The following ATIC variants were observed in gnomAD, a reference collection of about 807,000 sequenced individuals.
The protein encoded by ATIC is bifunctional purine biosynthesis protein ATIC.
ATIC carries 64 observed loss-of-function variants against 72.5 expected under a neutral mutation model. The ratio of observed to expected loss-of-function variants is 0.88; its 90% CI spans 0.72 to 1.09. The LOEUF is 1.09. Among genes scored for constraint, ATIC ranks in the 50% least tolerant of loss-of-function variants. The pLI is 0.00. For synonymous variants in ATIC, 281 were observed against 267.1 expected (o/e 1.05, Z -0.51); for missense variants, 787 against 732.4 (o/e 1.07, Z -0.86).
rs536176249 is a variant in ATIC at position 215,348,157 on chromosome 2, T to C, written c.1504-937T>C. Among the ~76,000 whole-genome samples, 6 of 152,294 alleles carry C rather than the reference T, an allele frequency of 3.9e-5. No individual in the cohort carries two copies. The East Asian group carries it at 7.7e-4, about 20-fold the overall frequency. On this transcript the variant is annotated intron_variant, in intron 14 of 15. Transcript: ENST00000236959. Reference sequence around the variant, plus strand: ...CCTTATACTTCTTAATACTGTTGCATTGGGGATTAAGTTTCAACATGAATT... The same window carrying C: ...CCTTATACTTCTTAATACTGTTGCACTGGGGATTAAGTTTCAACATGAATT...
In ATIC at chr2:215,346,864, A is replaced by T; in HGVS notation, c.1426A>T (p.Met476Leu). The change falls in exon 14 of 16, where the codon ATG becomes TTG. Residue 476 changes from methionine to leucine, a missense_variant. Coordinates refer to ENST00000236959, the MANE Select transcript of ATIC (RefSeq NM_004044.7). ...TAGACACCATCCACAAGTGCTTTCG[A>T]TGAAGTTTAAAACAGGAGTGAAGAG... is the stretch of plus-strand genomic sequence containing the variant. ...WLRHHPQVLSMKFKTGVKRAE... is the reference protein window; with the variant it reads ...WLRHHPQVLSLKFKTGVKRAE... 6.2e-7 allele frequency: 1 copy of T among 1,614,230 alleles called. No homozygotes were observed. The highest frequency in any genetic ancestry group is 8.5e-7 in the Non-Finnish European group (1 of 1,180,042).
At chr2:215,345,902 G>A (rs1176889234) in intron 13 of ATIC, among the ~76,000 whole-genome samples, 2 of 152,170 alleles carry the variant, frequency 1.3e-5, no homozygotes, top group African/African-American at 4.8e-5. Flanking sequence ...CAGCTTAGGG[G>A]CTGTTCATTA....
chr2:215,312,307 A>AGCCTGC, intron 1 of ATIC, 146 bp downstream of exon 1: 3 of 1,449,984 alleles, frequency 2.1e-6, no homozygotes, highest in Non-Finnish European at 2.8e-6. Flanking sequence ...GCCGGGCCGC[A>AGCCTGC]GCCTGCGTGG....
the ATIC span, among the ~76,000 whole-genome samples, chr2:215,355,312 C>G: frequency 1.3e-5 from 2 of 152,158 alleles, no homozygotes; most frequent in African/African-American, 2.4e-5. Context: ...AGTGGAGTTT[C>G]ACTGGTGTTT....
intron 14 of ATIC, 138 bp from the exon 15 acceptor site, chr2:215,348,955 TA>T (rs376547846): frequency 0.093 from 49,347 of 531,008 alleles, 7 homozygotes; most frequent in Non-Finnish European, 0.1. Context: ...AAACTCCGTC[TA>T]AAAAAAAAAA....
At position 215,338,873 on chromosome 2, in the gene ATIC, C is replaced by A; in HGVS notation, c.1193C>A (p.Ser398Ter). ...AGAAATAATGGTGTCGTCGACAAGT[C>A]ATTATTTAGCAATGTTGTTACCAAA... The part of the protein sequence containing the change: ...QKRNNGVVDK[S>*]LFSNVVTKNK... Residue 398 changes from serine to a stop codon, truncating the protein, a stop_gained, in exon 12 of 16, where the codon TCA (serine) becomes TAA (stop). Transcript: ENST00000236959. LOFTEE classifies it high-confidence loss of function. 2 of 1,613,692 alleles carry A rather than the reference C, an allele frequency of 1.2e-6. No individual in the cohort carries two copies. Among genetic ancestry groups the A allele is most frequent in the South Asian group, 2.2e-5 (2 of 91,018 alleles).
At chr2:215,338,736 G>T (rs549709024) in intron 11 of ATIC, 43 bp from the exon 12 acceptor site, 1 of 1,597,570 alleles carries the variant, frequency 6.3e-7, no homozygotes, top group South Asian at 1.1e-5. Flanking sequence ...AAATTTGAGG[G>T]AAGTGGAGAG....
intron 12 of ATIC, 47 bp downstream of exon 12, chr2:215,338,954 C>A: frequency 1.2e-6 from 2 of 1,607,374 alleles, no homozygotes; most frequent in South Asian, 2.2e-5. Flanking sequence ...TTCCATTGGT[C>A]TGTTTTCAAT....
intron 11 of ATIC, 49 bp downstream of exon 11, chr2:215,336,173 T>C (rs572645577): frequency 7.2e-7 from 1 of 1,386,704 alleles, no homozygotes; most frequent in Non-Finnish European, 1.0e-6. Context: ...TTATTCTGTG[T>C]CTCTTTCTCC....
chr2:215,363,873 T>C, the ATIC span, among the ~76,000 whole-genome samples: 1 of 152,240 alleles, frequency 6.6e-6, no homozygotes, highest in South Asian at 2.1e-4. Context: ...CTGGCTTAAA[T>C]AATGGGTTGC....
rs570223851 is a variant in ATIC, at chr2:215,333,484, G to T, written c.922+27G>T. The stretch of plus-strand genomic sequence containing the variant: ...TCAGACTCATAGGGCTTTTTGATTT[G>T]GGGGAGAAAGAAAAAGCAATATTTT... On this transcript the variant is annotated intron_variant, in intron 9 of 15. Transcript: ENST00000236959. 7.4e-4 allele frequency: 1,180 copies of T among 1,584,182 alleles called. 3 individuals are homozygous for T. The highest frequency in any genetic ancestry group is 9.5e-4 in the Non-Finnish European group (1,100 of 1,154,800).
At chr2:215,361,217 C>T in the ATIC span, 3 of 286,092 alleles carry the variant, frequency 1.0e-5, no homozygotes, top group African/African-American at 6.5e-5. Context: ...AAATTTTGGT[C>T]ATATCATTTC....
chr2:215,338,736 G>A (rs549709024), intron 11 of ATIC, 43 bp from the exon 12 acceptor site: 2 of 1,597,568 alleles, frequency 1.3e-6, no homozygotes, highest in Admixed American at 1.7e-5. Context: ...AAATTTGAGG[G>A]AAGTGGAGAG....
intron 11 of ATIC, among the ~76,000 whole-genome samples, chr2:215,337,106 T>C (rs1429658814): frequency 6.6e-6 from 1 of 151,750 alleles, no homozygotes; most frequent in Non-Finnish European, 1.5e-5. Flanking sequence ...TTTTAACTGA[T>C]TTTTATGAGC....
At chr2:215,341,402 T>A (rs1369689544) in intron 12 of ATIC, among the ~76,000 whole-genome samples, 1 of 152,220 alleles carries the variant, frequency 6.6e-6, no homozygotes, top group Non-Finnish European at 1.5e-5. Context: ...TTAGTGATCT[T>A]GATAGGTTTT....
intron 13 of ATIC, among the ~76,000 whole-genome samples, chr2:215,346,047 G>A (rs893082363): frequency 1.3e-5 from 2 of 152,222 alleles, no homozygotes; most frequent in Non-Finnish European, 2.9e-5. Context: ...ACCCATGTCA[G>A]ATCCTTATCT....
intron 4 of ATIC, among the ~76,000 whole-genome samples, chr2:215,324,116 C>G (rs947973056): frequency 6.6e-6 from 1 of 151,940 alleles, no homozygotes; most frequent in Non-Finnish European, 1.5e-5. Context: ...ACGCTGGTCT[C>G]GAACTTCTGA....
At chr2:215,359,651 T>C in the ATIC span, among the ~76,000 whole-genome samples, 34 of 152,260 alleles carry the variant, frequency 2.2e-4, no homozygotes, top group African/African-American at 7.5e-4. Flanking sequence ...CCCTGTAAAA[T>C]TAAGCTCTAA....
chr2:215,312,778 G>A (rs1211522949), intron 2 of ATIC, among the ~76,000 whole-genome samples, 154 bp downstream of exon 2: 2 of 152,220 alleles, frequency 1.3e-5, no homozygotes, highest in African/African-American at 2.4e-5. Context: ...GAAAAAAAGT[G>A]AGGCTCAGAG....
Sources: allele counts gnomAD v4.1 joint callset (sites outside exome capture counted in the v4.1 genomes callset), GRCh38; gene constraint gnomAD v4.1.1; transcripts MANE v1.5; gene names NCBI Gene and HGNC (gene_info 2026-07-23, HGNC 2026-07-21).